Variants in TRPA1 observed in about 807,000 individuals in gnomAD.
TRPA1 encodes the protein ankyrin-like with transmembrane domains 1.
Under a neutral mutation model 131.3 loss-of-function variants are expected in TRPA1, and 129 were observed. The observed-to-expected ratio is 0.98, with a 90% CI of 0.85 to 1.14. The LOEUF (loss-of-function observed/expected upper bound fraction) is 1.14, where lower values mean the gene tolerates loss of function less well. Ranked by LOEUF, TRPA1 falls within the 50% of genes most tolerant of loss-of-function variation. TRPA1 has a pLI of 0.00. For synonymous variants in TRPA1, 441 were observed against 451.7 expected (o/e 0.98, Z 0.30); for missense variants, 1,304 against 1,354.2 (o/e 0.96, Z 0.58).
intron 13 of TRPA1, chr8:72,053,132 G>C: frequency 3.6e-6 from 1 of 279,426 alleles, no homozygotes; most frequent in Non-Finnish European, 6.9e-6. Flanking sequence ...TAAAGATGTT[G>C]GGTTGAACAC....
At chr8:72,085,804 T>G in the TRPA1 span, among the ~76,000 whole-genome samples, 3 of 152,308 alleles carry the variant, frequency 2.0e-5, no homozygotes, top group East Asian at 1.9e-4. Flanking sequence ...AAAATTTTCC[T>G]GTTTTCTTTT....
chr8:72,037,719 T>A (rs1440077625), intron 20 of TRPA1, among the ~76,000 whole-genome samples: 1 of 152,084 alleles, frequency 6.6e-6, no homozygotes, highest in African/African-American at 2.4e-5. Context: ...AGTTCACTCA[T>A]AATGACCATT....
At chr8:72,077,246 A>G (rs1366566753), upstream of TRPA1, among the ~76,000 whole-genome samples, 2 of 141,390 alleles carry the variant, frequency 1.4e-5, no homozygotes, top group Admixed American at 1.5e-4. Flanking sequence ...GGCAGCAAGC[A>G]TCAGATGGCC....
chr8:72,075,719 A>G (rs1205426260), upstream of TRPA1: 4 of 431,902 alleles, frequency 9.3e-6, no homozygotes, highest in Admixed American at 3.5e-5. Context: ...CTTCAGGGAC[A>G]AAGTGACTCG....
intron 2 of TRPA1, among the ~76,000 whole-genome samples, chr8:72,070,011 A>G (rs770957718): frequency 1.3e-5 from 2 of 152,156 alleles, no homozygotes; most frequent in Non-Finnish European, 2.9e-5. Flanking sequence ...GTTTCCACAT[A>G]TTTCTGCAAT....
At chr8:72,058,195 A>G (rs1481796708) in intron 8 of TRPA1, among the ~76,000 whole-genome samples, 1 of 152,184 alleles carries the variant, frequency 6.6e-6, no homozygotes, top group Non-Finnish European at 1.5e-5. Context: ...TTCATTACAT[A>G]TATGATTTAA....
chr8:72,055,884 T>C, intron 10 of TRPA1, 29 bp from the exon 11 acceptor site: 2 of 1,607,042 alleles, frequency 1.2e-6, no homozygotes, highest in Non-Finnish European at 1.7e-6. Flanking sequence ...ATCATACAAA[T>C]AACTCTGCTA....
chr8:72,045,389 C>A (rs1409667629), intron 17 of TRPA1, among the ~76,000 whole-genome samples: 1 of 151,592 alleles, frequency 6.6e-6, no homozygotes, highest in African/African-American at 2.4e-5. Flanking sequence ...TCTAATAGAA[C>A]TTTCTGCAAT....
At chr8:72,083,703 A>G in the TRPA1 span, among the ~76,000 whole-genome samples, 2 of 152,106 alleles carry the variant, frequency 1.3e-5, no homozygotes, top group Non-Finnish European at 2.9e-5. Context: ...AGATAACACC[A>G]CTGCACTCCA....
rs755776100 is a variant in TRPA1, at chr8:72,052,586, G to A, written c.1811+13C>T. The A allele has an allele frequency of 6.2e-7, 1 of 1,613,290 alleles. No homozygotes were observed. Among genetic ancestry groups the A allele is most frequent in the Non-Finnish European group, 8.5e-7 (1 of 1,179,550 alleles). On this transcript the variant is annotated intron_variant, in intron 14 of 26. Transcript: ENST00000262209. ...GAGAACACTAAATGACAGTGGACAG[G>A]AAGACAGTGTACCTTTTGCTCCTGA...
At chr8:72,073,577 A>G (rs552999547) in intron 1 of TRPA1, among the ~76,000 whole-genome samples, 1 of 152,376 alleles carries the variant, frequency 6.6e-6, no homozygotes, top group Admixed American at 6.5e-5. Context: ...AATGAAATAA[A>G]AGATATAATC....
At chr8:72,070,229 C>A (rs1351296886) in intron 2 of TRPA1, among the ~76,000 whole-genome samples, 1 of 152,124 alleles carries the variant, frequency 6.6e-6, no homozygotes, top group Non-Finnish European at 1.5e-5. Flanking sequence ...GTACATGGTA[C>A]TTGGAACCAT....
chr8:72,054,012 T>C (rs902178252), intron 12 of TRPA1, 145 bp from the exon 13 acceptor site: 6 of 661,284 alleles, frequency 9.1e-6, no homozygotes, highest in South Asian at 6.9e-5. Flanking sequence ...AAAACATTTA[T>C]AATAAATGAG....
the TRPA1 span, among the ~76,000 whole-genome samples, chr8:72,082,753 A>G: frequency 6.6e-6 from 1 of 151,934 alleles, no homozygotes; most frequent in Admixed American, 6.5e-5. Flanking sequence ...TCTTTCAGCA[A>G]CTTGACTCTA....
chr8:72,036,622 C>T lies in TRPA1; in HGVS notation c.2386-165G>A, dbSNP rs1481487350. On this transcript the variant is annotated intron_variant, in intron 20 of 26. Coordinates refer to ENST00000262209, the MANE Select transcript of TRPA1 (RefSeq NM_007332.3). Reference sequence around the variant, plus strand: ...GCCATCCTGGATTGACTTCAGAGTCCCCGGGGTATGAATCGGTGTTGGAGA... The same window carrying T: ...GCCATCCTGGATTGACTTCAGAGTCTCCGGGGTATGAATCGGTGTTGGAGA... 3.3e-5 allele frequency among the ~76,000 whole-genome samples: 5 copies of T among 152,228 alleles called. No homozygotes were observed. The East Asian group carries it at 9.7e-4, about 29-fold the overall frequency.
At chr8:72,048,246 A>G (rs191099684) in intron 15 of TRPA1, among the ~76,000 whole-genome samples, 3 of 152,220 alleles carry the variant, frequency 2.0e-5, no homozygotes, top group Non-Finnish European at 4.4e-5. Flanking sequence ...TGAGAAAGAA[A>G]TATCACCTAG....
At chr8:72,081,564 T>C in the TRPA1 span, among the ~76,000 whole-genome samples, 1 of 151,880 alleles carries the variant, frequency 6.6e-6, no homozygotes, top group African/African-American at 2.4e-5. Context: ...TGATTTTCTA[T>C]TTATTATGTT....
chr8:72,061,876 G>T, intron 6 of TRPA1, 115 bp from the exon 7 acceptor site: 2 of 1,110,072 alleles, frequency 1.8e-6, no homozygotes, highest in Non-Finnish European at 2.7e-6. Context: ...ATATCTATCA[G>T]GCTGATCACC....
upstream of TRPA1, among the ~76,000 whole-genome samples, chr8:72,079,604 T>C (rs117485560): frequency 5.5e-3 from 836 of 152,104 alleles, 8 homozygotes; most frequent in Middle Eastern, 0.01. Context: ...TTGACTTATA[T>C]ATTCAGGTTA....
Sources: gnomAD v4.1 joint callset for allele counts (sites outside exome capture counted in the v4.1 genomes callset) on GRCh38, gnomAD v4.1.1 for gene constraint, MANE v1.5 for transcripts, NCBI Gene and HGNC (gene_info 2026-07-23, HGNC 2026-07-21) for gene names.